The following STX10 variants were observed in gnomAD, a reference collection of about 807,000 sequenced individuals.
STX10 encodes the protein syntaxin 10.
In STX10, 35 loss-of-function variants were observed where a neutral mutation model predicts 34.1. The ratio of observed to expected loss-of-function variants is 1.03; its 90% CI spans 0.78 to 1.36. The LOEUF (loss-of-function observed/expected upper bound fraction) is 1.36, where lower values mean the gene tolerates loss of function less well. Ranked by LOEUF, STX10 falls within the 40% of genes most tolerant of loss-of-function variation. The pLI, the probability that STX10 is intolerant of heterozygous loss-of-function variation, is 0.00. For synonymous variants in STX10, 155 were observed against 132.9 expected, an observed-to-expected ratio of 1.17 and a Z score of -1.15; for missense variants, 361 against 335.5, an observed-to-expected ratio of 1.08 and a Z score of -0.59.
At chr19:13,148,962 G>A (rs962335884) in intron 4 of STX10, 67 bp downstream of exon 4, 7 of 1,355,704 alleles carry the variant, frequency 5.2e-6, no homozygotes, top group South Asian at 5.0e-5. Context: ...AGGTGAACAC[G>A]CACAGAGGGA....
chr19:13,145,156 G>A (rs180747853), intron 5 of STX10, 132 bp downstream of exon 5: 40 of 825,828 alleles, frequency 4.8e-5, no homozygotes, highest in Admixed American at 1.2e-4. Context: ...CTGAGATCGC[G>A]CCACTGCACT....
Position 13,150,137 on chromosome 19 carries a change from A to T in STX10, c.35+2T>A. The T allele has an allele frequency of 8.6e-7, 1 of 1,164,182 alleles. No individual in the cohort carries two copies. The highest frequency in any genetic ancestry group is 1.3e-6 in the Non-Finnish European group (1 of 784,632). The allele number at this position is 1,164,182 out of a possible 1,614,324, so 72.1% of individuals were successfully genotyped here. On this transcript the variant is annotated splice_donor_variant, in intron 1 of 7. Transcript: ENST00000587230. LOFTEE classifies it high-confidence loss of function. This position sits in a 1 kb window ranked among gnomAD's most constrained non-coding sequence, Gnocchi z 4.0. Reference sequence around the variant, plus strand: ...CCGCCCTCCCCCGTCGTTGTCACTCACCCTCGGACTACAAAAAAGGGGTCT... The same window carrying T: ...CCGCCCTCCCCCGTCGTTGTCACTCTCCCTCGGACTACAAAAAAGGGGTCT...
chr19:13,146,195 CAA>C (rs111677011), intron 4 of STX10, among the ~76,000 whole-genome samples: 26 of 136,598 alleles, frequency 1.9e-4, no homozygotes, highest in African/African-American at 2.1e-4. Context: ...GACCTTGCCT[CAA>C]AAAAAAAAAA....
rs199999003 is a variant in STX10, at chr19:13,144,641, G to A, written c.609C>T (p.Asp203=). The change falls in exon 7 of 8, where the codon GAC becomes GAT. Residue 203 remains aspartate (D), a synonymous_variant. Transcript: ENST00000587230. ...IMLDAFAQEM[D]HTQSRMDGVL... is the part of the protein sequence containing the mutation. Reference sequence around the variant, plus strand: ...CCCCGTCCATGCGGGACTGGGTGTGGTCCATCTCTTGGGCGAAGGCATCCA... The same window carrying A: ...CCCCGTCCATGCGGGACTGGGTGTGATCCATCTCTTGGGCGAAGGCATCCA... 6.9e-5 allele frequency: 111 copies of A among 1,614,142 alleles called. No individual in the cohort carries two copies. The East Asian group carries it at 2.5e-3, about 36-fold the overall frequency.
At chr19:13,148,649 C>T (rs2019966231) in intron 4 of STX10, among the ~76,000 whole-genome samples, 1 of 151,956 alleles carries the variant, frequency 6.6e-6, no homozygotes, top group Admixed American at 6.6e-5. Context: ...CACTGCACTC[C>T]AGCCTGGGCA....
chr19:13,149,553 GGCT>G lies in STX10; in HGVS notation c.243_245del (p.Ala82del). 6.2e-7 allele frequency: 1 copy of G among 1,614,030 alleles called. No homozygotes were observed. The highest frequency in any genetic ancestry group is 8.5e-7 in the Non-Finnish European group (1 of 1,180,008). ...ACACCTTTCTCTCCTGCAGGTCCCC[GGCT>G]GGGAGCTTGAACTTGCCTGGGTTGG... On this transcript the variant is annotated inframe_deletion, in exon 3 of 8. Transcript: ENST00000587230.
rs2019978237 is a variant in STX10, at chr19:13,149,028, C to T, written c.363+1G>A. 6.2e-7 allele frequency: 1 copy of T among 1,601,128 alleles called. No homozygotes were observed. Among genetic ancestry groups the T allele is most frequent in the Non-Finnish European group, 8.5e-7 (1 of 1,173,600 alleles). The stretch of plus-strand genomic sequence containing the variant: ...GGGCAGGGTGGGTCAGGAAGGCTTA[C>T]CTCTCTGTTATTCCTCTCCAAAAAT... On this transcript the variant is annotated splice_donor_variant, in intron 4 of 7. Transcript: ENST00000587230. LOFTEE classifies it high-confidence loss of function.
intron 4 of STX10, among the ~76,000 whole-genome samples, chr19:13,146,847 G>A (rs2019910919): frequency 1.3e-5 from 2 of 152,002 alleles, no homozygotes; most frequent in Admixed American, 1.3e-4. Context: ...GGCTCCAACA[G>A]ATGTATTTTA....
At position 13,144,100 on chromosome 19, in the gene STX10, T is replaced by C. The variant is rs751778343; in HGVS notation, c.*310A>G. On this transcript the variant is annotated 3_prime_UTR_variant, in exon 8 of 8. Transcript: ENST00000587230. Reference sequence around the variant, plus strand: ...GACATTTTATTTCCAGGTTGGCACGTGTATAAGGCACAGGGGCAAATGGCT... The same window carrying C: ...GACATTTTATTTCCAGGTTGGCACGCGTATAAGGCACAGGGGCAAATGGCT... 55 of 420,862 alleles carry C rather than the reference T, an allele frequency of 1.3e-4. No homozygotes were observed. Among genetic ancestry groups the C allele is most frequent in the Non-Finnish European group, 9.9e-5 (23 of 232,002 alleles). The allele number at this position is 420,862 out of a possible 1,614,324, so 26.1% of individuals were successfully genotyped here.
intron 4 of STX10, among the ~76,000 whole-genome samples, chr19:13,146,017 C>T (rs1334391802): frequency 4.4e-5 from 6 of 137,332 alleles, no homozygotes; most frequent in Admixed American, 1.5e-4. Context: ...CAGGTTAAGA[C>T]CTTCTCTCAA....
chr19:13,148,083 A>G (rs1173939500), intron 4 of STX10, among the ~76,000 whole-genome samples: 2 of 150,346 alleles, frequency 1.3e-5, no homozygotes, highest in Non-Finnish European at 1.5e-5. Context: ...AAAAAAAAAA[A>G]AAAAAGGAAG....
chr19:13,146,823 G>T (rs909496708), intron 4 of STX10, among the ~76,000 whole-genome samples: 61 of 152,084 alleles, frequency 4.0e-4, no homozygotes, highest in African/African-American at 1.4e-3. Context: ...TTTTAGGTGT[G>T]AGCCACCGTG....
Position 13,150,230 on chromosome 19 carries a change from T to C in STX10, c.-57A>G. 1 of 685,818 alleles carries C rather than the reference T, an allele frequency of 1.5e-6. No homozygotes were observed. The highest frequency in any genetic ancestry group is 3.1e-5 in the East Asian group (1 of 32,102). The allele number at this position is 685,818 out of a possible 1,614,324, so 42.5% of individuals were successfully genotyped here. On this transcript the variant is annotated 5_prime_UTR_variant, in exon 1 of 8. Transcript: ENST00000587230. This position sits in a 1 kb window ranked among gnomAD's most constrained non-coding sequence, Gnocchi z 4.0. ...CTCCCGGCCTGGGTTCGCGGGCTGG[T>C]TCCCTCCCAACCGAGGAGAACGCGC...
chr19:13,144,341 C>T lies in STX10; in HGVS notation c.*69G>A, dbSNP rs767704536. The T allele has an allele frequency of 3.0e-5, 47 of 1,560,648 alleles. 1 individual carries two copies. Among genetic ancestry groups the T allele is most frequent in the African/African-American group, 2.6e-4 (19 of 74,274 alleles). ...GGAGGGACCCTCTCCTCCTAGGGGG[C>T]GAGGCCAGCTCCAAAGTGCTTGGTG... On this transcript the variant is annotated 3_prime_UTR_variant, in exon 8 of 8. Transcript: ENST00000587230.
intron 1 of STX10, 89 bp from the exon 2 acceptor site, chr19:13,149,986 G>C: frequency 6.8e-7 from 1 of 1,478,532 alleles, no homozygotes; most frequent in East Asian, 2.5e-5. Context: ...ACGCATGGGG[G>C]ACTCCGGAGA....
Position 13,144,558 on chromosome 19 carries a change from C to T in STX10, c.673+19G>A, listed in dbSNP as rs1377971566. 1.2e-5 allele frequency: 19 copies of T among 1,613,992 alleles called. No individual in the cohort carries two copies. In the Admixed American group the frequency reaches 2.8e-4, roughly 24 times the overall value. ...AACCTGCCCCCACCAGGACTGACCCCTCCCCTGAGGGGACTCACCACTCGT... is the reference window on the plus strand; with the variant it reads ...AACCTGCCCCCACCAGGACTGACCCTTCCCCTGAGGGGACTCACCACTCGT... On this transcript the variant is annotated intron_variant, in intron 7 of 7. Coordinates refer to ENST00000587230, the MANE Select transcript of STX10 (RefSeq NM_003765.3).
intron 4 of STX10, among the ~76,000 whole-genome samples, chr19:13,145,910 GCTAC>G: frequency 6.6e-6 from 1 of 151,580 alleles, no homozygotes; most frequent in Non-Finnish European, 1.5e-5. Flanking sequence ...TGTAATCCCA[GCTAC>G]TAGGGAGGCT....
At chr19:13,147,925 G>A (rs2019940387) in intron 4 of STX10, among the ~76,000 whole-genome samples, 1 of 150,172 alleles carries the variant, frequency 6.7e-6, no homozygotes, top group African/African-American at 2.4e-5. Context: ...AATTAGCCGG[G>A]TGTGGTGGCA....
At chr19:13,146,452 C>A (rs529497325) in intron 4 of STX10, among the ~76,000 whole-genome samples, 311 of 152,244 alleles carry the variant, frequency 2.0e-3, no homozygotes, top group Non-Finnish European at 3.6e-3. Context: ...CCAGGCTGGT[C>A]TCGAACTCCT....
Sources: allele counts gnomAD v4.1 joint callset (sites outside exome capture counted in the v4.1 genomes callset), GRCh38; gene constraint gnomAD v4.1.1; non-coding constraint Gnocchi (gnomAD v3.1); transcripts MANE v1.5; gene names NCBI Gene and HGNC (gene_info 2026-07-23, HGNC 2026-07-21).